The following PLCZ1 variants were observed in gnomAD, a reference collection of about 807,000 sequenced individuals.
PLCZ1 encodes 1-phosphatidylinositol 4,5-bisphosphate phosphodiesterase zeta-1.
Under a neutral mutation model 76.8 loss-of-function variants are expected in PLCZ1, and 64 were observed. The ratio of observed to expected loss-of-function variants is 0.83; its 90% CI spans 0.68 to 1.03. The LOEUF (loss-of-function observed/expected upper bound fraction) is 1.03. Among genes scored for constraint, PLCZ1 ranks in the 50% least tolerant of loss-of-function variants. The pLI, the probability that PLCZ1 is intolerant of heterozygous loss-of-function variation, is 0.00. For missense variants in PLCZ1, 751 were observed against 713.7 expected, an observed-to-expected ratio of 1.05 and a Z score of -0.60; for synonymous variants, 248 against 230.8, an observed-to-expected ratio of 1.07 and a Z score of -0.68.
intron 3 of PLCZ1, 46 bp downstream of exon 3, chr12:18,736,175 A>G: frequency 6.3e-7 from 1 of 1,595,208 alleles, no homozygotes; most frequent in African/African-American, 1.3e-5. Flanking sequence ...ACATTGGATT[A>G]AGTTCCACCT....
intron 3 of PLCZ1, among the ~76,000 whole-genome samples, chr12:18,735,236 A>G (rs1848740391): frequency 6.6e-6 from 1 of 152,198 alleles, no homozygotes; most frequent in African/African-American, 2.4e-5. Context: ...GCCTTTGTCC[A>G]GCTTTGGTAT....
the PLCZ1 span, among the ~76,000 whole-genome samples, chr12:18,649,790 C>A: frequency 2.0e-5 from 3 of 152,240 alleles, no homozygotes; most frequent in African/African-American, 7.2e-5. Context: ...CTCTATCTTC[C>A]TGGATATATT....
At chr12:18,721,798 C>G (rs1307435160) in intron 4 of PLCZ1, among the ~76,000 whole-genome samples, 1 of 151,722 alleles carries the variant, frequency 6.6e-6, no homozygotes, top group African/African-American at 2.4e-5. Context: ...AGCTCTTTAC[C>G]TTGCTGCTAA....
the PLCZ1 span, among the ~76,000 whole-genome samples, chr12:18,671,979 A>C: frequency 1.3e-5 from 2 of 152,150 alleles, no homozygotes; most frequent in Non-Finnish European, 2.9e-5. Context: ...TCAGGACACA[A>C]ATCCCATACA....
Position 18,723,398 on chromosome 12 carries a change from G to A in PLCZ1, c.280C>T (p.Gln94Ter), listed in dbSNP as rs138801851. The A allele has an allele frequency of 1.4e-4, 221 of 1,612,838 alleles. No homozygotes were observed. Among genetic ancestry groups the A allele is most frequent in the Non-Finnish European group, 1.8e-4 (209 of 1,179,452 alleles). Residue 94 changes from glutamine (Q) to a stop codon, truncating the protein, a stop_gained, in exon 4 of 15, where the codon CAA becomes TAA. Transcript: ENST00000266505. LOFTEE classifies it high-confidence loss of function. ...GCATATTGTTCTTGTGTCAGAAATT[G>A]AGCCAGATTACTTGCTAAAAGAATT... ...RKILLASNLA[Q>*]FLTQEQYAAE...
chr12:18,722,518 T>C (rs78455947), intron 4 of PLCZ1, among the ~76,000 whole-genome samples: 69 of 152,172 alleles, frequency 4.5e-4, no homozygotes, highest in African/African-American at 1.6e-3. Context: ...CATACGCCCC[T>C]CCTAGGTGAA....
At chr12:18,675,416 TG>T in the PLCZ1 span, among the ~76,000 whole-genome samples, 1 of 152,322 alleles carries the variant, frequency 6.6e-6, no homozygotes, top group Non-Finnish European at 1.5e-5. Context: ...GATACACTGC[TG>T]GTGGGAATGT....
At chr12:18,696,937 C>T (rs1245102129) in intron 10 of PLCZ1, among the ~76,000 whole-genome samples, 1 of 152,108 alleles carries the variant, frequency 6.6e-6, no homozygotes, top group African/African-American at 2.4e-5. Context: ...TACACACAAA[C>T]AGGAACAAAC....
chr12:18,707,242 A>G (rs1368667815), intron 6 of PLCZ1, among the ~76,000 whole-genome samples: 1 of 152,172 alleles, frequency 6.6e-6, no homozygotes, highest in African/African-American at 2.4e-5. Flanking sequence ...TATTTTTGGA[A>G]GCCCTTATTT....
At chr12:18,694,142 A>T (rs1353995361) in intron 12 of PLCZ1, 1 of 806,240 alleles carries the variant, frequency 1.2e-6, no homozygotes, top group African/African-American at 1.7e-5. Flanking sequence ...GTGATTTCTC[A>T]GTCCCTGAAA....
At chr12:18,718,781 T>C (rs1958250593) in intron 5 of PLCZ1, among the ~76,000 whole-genome samples, 1 of 152,214 alleles carries the variant, frequency 6.6e-6, no homozygotes, top group African/African-American at 2.4e-5. Context: ...ACCTGGTTAT[T>C]ATCTGTCTAT....
intron 13 of PLCZ1, among the ~76,000 whole-genome samples, 155 bp downstream of exon 13, chr12:18,687,934 T>G (rs1249872983): frequency 6.6e-6 from 1 of 152,090 alleles, no homozygotes; most frequent in Non-Finnish European, 1.5e-5. Flanking sequence ...ATAAAAATGT[T>G]TTTGTTGCAT....
At chr12:18,702,975 T>C (rs1956142578) in intron 7 of PLCZ1, among the ~76,000 whole-genome samples, 1 of 151,862 alleles carries the variant, frequency 6.6e-6, no homozygotes, top group African/African-American at 2.4e-5. Flanking sequence ...GTAACTTTAA[T>C]TCTTTATTTA....
In PLCZ1 at chr12:18,688,759, T is replaced by G. The variant is rs539415130; in HGVS notation, c.1462-541A>C. ...TTTAAACTTGTATTTGCCAAGCTAA[T>G]TGTTGAAGCAAAAATGTGTTATAAT... On this transcript the variant is annotated intron_variant, in intron 12 of 14. Coordinates refer to ENST00000266505, the MANE Select transcript of PLCZ1 (RefSeq NM_033123.4). Among the ~76,000 whole-genome samples, 540 of 152,176 alleles carry G rather than the reference T, an allele frequency of 3.5e-3. 3 individuals carry two copies. Among genetic ancestry groups the G allele is most frequent in the African/African-American group, 0.013 (531 of 41,544 alleles).
chr12:18,737,251 A>C, intron 2 of PLCZ1, 110 bp downstream of exon 2: 2 of 1,198,208 alleles, frequency 1.7e-6, no homozygotes, highest in African/African-American at 3.0e-5. Flanking sequence ...AGTTCAACTT[A>C]AATGAAGAGG....
intron 12 of PLCZ1, chr12:18,693,213 C>G (rs551943260): frequency 9.5e-6 from 15 of 1,572,116 alleles, no homozygotes; most frequent in Admixed American, 1.7e-5. Context: ...TCTTCTGGAA[C>G]CTGGCTGCTC....
the PLCZ1 span, among the ~76,000 whole-genome samples, chr12:18,650,188 GTTC>G: frequency 6.6e-6 from 1 of 151,758 alleles, no homozygotes; most frequent in Non-Finnish European, 1.5e-5. Flanking sequence ...AAATATTAGG[GTTC>G]TTTTCCCCCA....
chr12:18,701,469 A>C (rs1374157919), intron 9 of PLCZ1, 32 bp downstream of exon 9: 1 of 1,612,250 alleles, frequency 6.2e-7, no homozygotes, highest in Non-Finnish European at 8.5e-7. Flanking sequence ...CTTTCCAATC[A>C]CTTGTAAGAT....
intron 6 of PLCZ1, among the ~76,000 whole-genome samples, chr12:18,708,090 A>G (rs1352579879): frequency 1.3e-5 from 2 of 152,228 alleles, no homozygotes; most frequent in Admixed American, 1.3e-4. Context: ...TAATCCTCAT[A>G]TGATACATTA....
Sources: allele counts gnomAD v4.1 joint callset (sites outside exome capture counted in the v4.1 genomes callset), GRCh38; gene constraint gnomAD v4.1.1; transcripts MANE v1.5; gene names NCBI Gene and HGNC (gene_info 2026-07-23, HGNC 2026-07-21).